PKNOX2: variants seen among roughly 807,000 people sequenced by gnomAD.
PKNOX2 encodes PBX/knotted 1 homeobox 2, also known as homeobox protein PKNOX2.
In PKNOX2, 14 loss-of-function variants were observed where a neutral mutation model predicts 53.1. That is an observed-to-expected ratio of 0.26 (90% CI 0.17 to 0.41). PKNOX2 has a LOEUF of 0.41. PKNOX2 is among the 10% of genes least tolerant of loss of function. PKNOX2 has a pLI of 1.00. For synonymous variants in PKNOX2, 257 were observed against 242.8 expected (o/e 1.06, Z -0.54); for missense variants, 496 against 602.8 (o/e 0.82, Z 1.85).
intron 2 of PKNOX2, among the ~76,000 whole-genome samples, chr11:125,274,232 T>G (rs1565485356): frequency 6.6e-6 from 1 of 152,194 alleles, no homozygotes. Flanking sequence ...ATAACCTAGA[T>G]GTCACCCAGA....
chr11:125,372,248 C>T (rs1221227183), intron 5 of PKNOX2, among the ~76,000 whole-genome samples: 1 of 152,218 alleles, frequency 6.6e-6, no homozygotes, highest in East Asian at 1.9e-4. Flanking sequence ...TGTAAATACT[C>T]ATACCATGGC....
chr11:125,331,052 T>C (rs534348118), intron 2 of PKNOX2, among the ~76,000 whole-genome samples: 1 of 128,774 alleles, frequency 7.8e-6, no homozygotes, highest in South Asian at 2.7e-4. Flanking sequence ...ACAGCCTCAC[T>C]GAAGTCCAAT....
chr11:125,178,787 A>C (rs1328830038), intron 1 of PKNOX2, among the ~76,000 whole-genome samples: 1 of 151,996 alleles, frequency 6.6e-6, no homozygotes. Flanking sequence ...CAGTTGGGTC[A>C]GAGCAGAAAG....
At chr11:125,400,503 C>T (rs1241015294) in intron 7 of PKNOX2, among the ~76,000 whole-genome samples, 1 of 152,152 alleles carries the variant, frequency 6.6e-6, no homozygotes, top group Non-Finnish European at 1.5e-5. Context: ...TTCACATCTG[C>T]CCACCTGACA....
chr11:125,371,447 G>C (rs1048307738), intron 5 of PKNOX2, among the ~76,000 whole-genome samples: 1 of 152,164 alleles, frequency 6.6e-6, no homozygotes, highest in Admixed American at 6.5e-5. Flanking sequence ...TGAGGAGTCC[G>C]ATGTTAGGGG....
chr11:125,334,706 C>T (rs1950340042), intron 3 of PKNOX2, among the ~76,000 whole-genome samples: 1 of 151,988 alleles, frequency 6.6e-6, no homozygotes, highest in Admixed American at 6.6e-5. Context: ...CCAAGTGATC[C>T]TCCTGCCTCA....
chr11:125,374,788 A>C (rs891803238), intron 5 of PKNOX2, among the ~76,000 whole-genome samples: 1 of 152,210 alleles, frequency 6.6e-6, no homozygotes, highest in African/African-American at 2.4e-5. Flanking sequence ...CAATGAGATA[A>C]CCAATGCTAA....
chr11:125,382,897 G>A (rs840026), intron 5 of PKNOX2, among the ~76,000 whole-genome samples: 113,088 of 152,080 alleles, frequency 0.74, 43,419 homozygotes, highest in African/African-American at 0.92. Context: ...TCTCCTGGCA[G>A]TTTGGGGCAG....
chr11:125,396,884 C>T (rs1954442390), intron 6 of PKNOX2, among the ~76,000 whole-genome samples: 1 of 152,048 alleles, frequency 6.6e-6, no homozygotes, highest in African/African-American at 2.4e-5. Context: ...AATTCTGGCA[C>T]TTAGAAAAAT....
intron 2 of PKNOX2, among the ~76,000 whole-genome samples, chr11:125,292,148 A>T (rs116361194): frequency 0.012 from 1,761 of 152,016 alleles, 36 homozygotes; most frequent in African/African-American, 0.041. Flanking sequence ...CATCTAATAA[A>T]CCCTCTCCAG....
intron 2 of PKNOX2, among the ~76,000 whole-genome samples, chr11:125,244,962 G>A (rs1439618118): frequency 4.6e-5 from 7 of 152,108 alleles, no homozygotes; most frequent in Non-Finnish European, 1.0e-4. Context: ...GGGGAGACTG[G>A]GTGAATTTAA....
At chr11:125,355,560 G>A (rs1951558510) in intron 4 of PKNOX2, among the ~76,000 whole-genome samples, 1 of 152,180 alleles carries the variant, frequency 6.6e-6, no homozygotes, top group African/African-American at 2.4e-5. Flanking sequence ...AGACCTGGAT[G>A]TGAACTAGGT....
At chr11:125,169,614 C>T (rs1293661966) in intron 1 of PKNOX2, among the ~76,000 whole-genome samples, 1 of 152,142 alleles carries the variant, frequency 6.6e-6, no homozygotes, top group East Asian at 1.9e-4. Flanking sequence ...TTGGTTTCTT[C>T]ATCTGTAAAG....
chr11:125,382,033 G>A (rs1488437841), intron 5 of PKNOX2, among the ~76,000 whole-genome samples: 8 of 152,164 alleles, frequency 5.3e-5, no homozygotes, highest in Non-Finnish European at 5.9e-5. Context: ...GGACACAGTC[G>A]TGGCAGATGT....
intron 1 of PKNOX2, among the ~76,000 whole-genome samples, chr11:125,207,196 T>G (rs893126465): frequency 6.6e-6 from 1 of 151,978 alleles, no homozygotes; most frequent in South Asian, 2.1e-4. Flanking sequence ...TCTTCTTCTC[T>G]CTCTCTCTTT....
intron 2 of PKNOX2, among the ~76,000 whole-genome samples, chr11:125,285,298 A>G (rs146103555): frequency 1.1e-3 from 175 of 152,274 alleles, no homozygotes; most frequent in Non-Finnish European, 2.2e-3. Context: ...AACGTTGGGA[A>G]AACACACCCC....
intron 3 of PKNOX2, among the ~76,000 whole-genome samples, chr11:125,342,402 A>G (rs1591534956): frequency 6.6e-6 from 1 of 151,604 alleles, no homozygotes; most frequent in Admixed American, 6.6e-5. Context: ...CACACCTTAC[A>G]TGGTCCCCAT....
chr11:125,341,104 A>G (rs10893372), intron 3 of PKNOX2, among the ~76,000 whole-genome samples: 38,032 of 148,472 alleles, frequency 0.26, 9,734 homozygotes, highest in African/African-American at 0.67. Context: ...ACTAATGTCT[A>G]TAATCCCAGA....
chr11:125,299,759 T>C (rs1947905634), intron 2 of PKNOX2, among the ~76,000 whole-genome samples: 1 of 152,134 alleles, frequency 6.6e-6, no homozygotes, highest in Non-Finnish European at 1.5e-5. Flanking sequence ...AGGGTGAGCG[T>C]TGGGGATATG....
Sources: gnomAD v4.1 joint callset for allele counts (sites outside exome capture counted in the v4.1 genomes callset) on GRCh38, gnomAD v4.1.1 for gene constraint, MANE v1.5 for transcripts, NCBI Gene and HGNC (gene_info 2026-07-23, HGNC 2026-07-21) for gene names.